NTRK3: variants seen among roughly 807,000 people sequenced by gnomAD.
The protein encoded by NTRK3 is neurotrophic receptor tyrosine kinase 3.
NTRK3 carries 24 observed loss-of-function variants against 91.7 expected under a neutral mutation model. The ratio of observed to expected loss-of-function variants is 0.26; its 90% CI spans 0.19 to 0.37. The LOEUF is 0.37. Ranked by LOEUF, NTRK3 falls within the 10% of genes least tolerant of loss-of-function variation. The probability of loss-of-function intolerance (pLI) is 1.00; values close to 1 mark genes in which losing one functional copy is unlikely to be tolerated. For missense variants in NTRK3, 880 were observed against 1,068.9 expected (o/e 0.82, Z 2.46); for synonymous variants, 483 against 404.0 (o/e 1.20, Z -2.34).
At chr15:87,914,728 G>C (rs2067323337) in intron 17 of NTRK3, among the ~76,000 whole-genome samples, 1 of 152,126 alleles carries the variant, frequency 6.6e-6, no homozygotes, top group Non-Finnish European at 1.5e-5. Context: ...GACCCACTGG[G>C]TAAGGAAATG....
intron 14 of NTRK3, among the ~76,000 whole-genome samples, chr15:88,021,096 C>G (rs1429564626): frequency 6.6e-6 from 1 of 152,186 alleles, no homozygotes; most frequent in Non-Finnish European, 1.5e-5. Context: ...GTGTTAGAAG[C>G]ACCTGCAACA....
chr15:88,189,723 C>A (rs562093004), intron 3 of NTRK3, among the ~76,000 whole-genome samples: 1 of 152,132 alleles, frequency 6.6e-6, no homozygotes, highest in Non-Finnish European at 1.5e-5. Flanking sequence ...GGATTACAGG[C>A]GTGAGCCACC....
intron 3 of NTRK3, chr15:88,253,576 G>A (rs1461910391): frequency 6.6e-6 from 1 of 152,292 alleles, no homozygotes; most frequent in Non-Finnish European, 1.5e-5. Context: ...AGATATAACA[G>A]GGCACTGGGG....
In NTRK3 at chr15:88,026,363, C is replaced by T. The variant is rs954984026; in HGVS notation, c.1585+6494G>A. ...CATGGAGGACCTTAAACATATATTG[C>T]TAAGTGAAAGAAGCCAATCTGAAAA... On this transcript the variant is annotated intron_variant, in intron 14 of 18. Transcript: ENST00000394480. Among the ~76,000 whole-genome samples, 9 of 152,070 alleles carry T rather than the reference C, an allele frequency of 5.9e-5. No homozygotes were observed. In the East Asian group the frequency reaches 1.5e-3, roughly 26 times the overall value.
chr15:88,057,289 G>C (rs2045799810), intron 13 of NTRK3, among the ~76,000 whole-genome samples: 1 of 151,680 alleles, frequency 6.6e-6, no homozygotes, highest in Non-Finnish European at 1.5e-5. Context: ...TTGAGGTCAG[G>C]AGTTTGAGAC....
chr15:87,922,767 T>G (rs958899562), intron 17 of NTRK3, among the ~76,000 whole-genome samples: 3 of 152,226 alleles, frequency 2.0e-5, no homozygotes, highest in Non-Finnish European at 4.4e-5. Flanking sequence ...ACCATGGATT[T>G]GGAATAGAAG....
intron 14 of NTRK3, among the ~76,000 whole-genome samples, chr15:88,001,647 G>C (rs770601789): frequency 7.9e-5 from 12 of 152,062 alleles, no homozygotes; most frequent in African/African-American, 2.7e-4. Flanking sequence ...TCAGTTGACC[G>C]CAAAAGTACA....
chr15:88,076,743 G>A (rs1429359206), intron 13 of NTRK3, among the ~76,000 whole-genome samples: 3 of 150,320 alleles, frequency 2.0e-5, no homozygotes, highest in South Asian at 2.1e-4. Context: ...TGTACTATGA[G>A]AGAAAGCACA....
At chr15:88,201,624 C>T (rs1260268200) in intron 3 of NTRK3, among the ~76,000 whole-genome samples, 3 of 152,184 alleles carry the variant, frequency 2.0e-5, no homozygotes, top group South Asian at 2.1e-4. Context: ...TCCCAATTCA[C>T]GCCATCTGGA....
At chr15:87,962,542 T>C (rs1398209549) in intron 14 of NTRK3, among the ~76,000 whole-genome samples, 2 of 152,196 alleles carry the variant, frequency 1.3e-5, no homozygotes, top group Non-Finnish European at 2.9e-5. Context: ...TCACTAGCAA[T>C]CTCTCCACCC....
In NTRK3 at chr15:88,255,714, G is replaced by T. The variant is rs1467224010; in HGVS notation, c.248+192C>A. On this transcript the variant is annotated intron_variant, in intron 3 of 18. Coordinates refer to ENST00000394480, the Ensembl canonical transcript of NTRK3. The surrounding 1 kb of genome is among the most constrained non-coding windows in gnomAD (Gnocchi z 4.3). ...CACACGCATAGCCGGATCGCGCCTC[G>T]CCAGGGCCGGAGTCACCTGGAATGC... Among the ~76,000 whole-genome samples, 2 of 152,132 alleles carry T rather than the reference G, an allele frequency of 1.3e-5. No individual in the cohort carries two copies. The highest frequency in any genetic ancestry group is 2.9e-5 in the Non-Finnish European group (2 of 68,020).
At chr15:88,025,922 G>A (rs1000202227) in intron 14 of NTRK3, among the ~76,000 whole-genome samples, 17 of 152,152 alleles carry the variant, frequency 1.1e-4, no homozygotes, top group African/African-American at 2.9e-4. Context: ...TTGAGCCATC[G>A]CACTCCAGCA....
At position 88,215,924 on chromosome 15, in the gene NTRK3, C is replaced by A. The variant is rs151185990; in HGVS notation, c.249-31625G>T. Among the ~76,000 whole-genome samples, 84 of 152,306 alleles carry A rather than the reference C, an allele frequency of 5.5e-4. 1 individual carries two copies. In the East Asian group the frequency reaches 0.015, roughly 28 times the overall value. On this transcript the variant is annotated intron_variant, in intron 3 of 18. Transcript: ENST00000394480. ...TCCCCAGGTTCTCCCTGGAAAAAAA[C>A]AATTCTGAAATTTGAACCCAGGCAG...
chr15:88,071,327 C>T (rs1006202905), intron 13 of NTRK3, among the ~76,000 whole-genome samples: 13 of 152,256 alleles, frequency 8.5e-5, no homozygotes, highest in African/African-American at 3.1e-4. Flanking sequence ...CCTTCCTGAG[C>T]ACAAGCTGCA....
At position 88,025,061 on chromosome 15, in the gene NTRK3, ACAC is replaced by A. The variant is rs544909745; in HGVS notation, c.1585+7793_1585+7795del. 2.8e-4 allele frequency among the ~76,000 whole-genome samples: 43 copies of A among 152,376 alleles called. No individual in the cohort carries two copies. In the East Asian group the frequency reaches 3.3e-3, roughly 12 times the overall value. On this transcript the variant is annotated intron_variant, in intron 14 of 18. Transcript: ENST00000394480. ...CACGTGTGTGGCCACACACACACAC[ACAC>A]AACACATACACTTCACCAGGCACAC...
rs1235289875 is a variant in NTRK3, at chr15:88,240,956, G to C, written c.248+14950C>G. ...AGGCATGTGTGCCCTCAGCAAGCTG[G>C]GAGGGTTGCTGTGGGCCTGGGGGAC... On this transcript the variant is annotated intron_variant, in intron 3 of 18. Coordinates refer to ENST00000394480, the Ensembl canonical transcript of NTRK3. The surrounding 1 kb of genome is among the most constrained non-coding windows in gnomAD (Gnocchi z 4.9). Among the ~76,000 whole-genome samples, 3 of 152,208 alleles carry C rather than the reference G, an allele frequency of 2.0e-5. No homozygotes were observed. Among genetic ancestry groups the C allele is most frequent in the East Asian group, 3.9e-4 (2 of 5,170 alleles).
intron 14 of NTRK3, among the ~76,000 whole-genome samples, chr15:88,030,857 C>T (rs541321510): frequency 1.6e-4 from 24 of 151,974 alleles, no homozygotes; most frequent in African/African-American, 5.3e-4. Context: ...CTTGTTTCAA[C>T]TCTCATACTA....
chr15:88,126,267 T>C lies in NTRK3; in HGVS notation c.1396+4A>G, dbSNP rs1276610622. 2 of 1,604,820 alleles carry C rather than the reference T, an allele frequency of 1.2e-6. No homozygotes were observed. Among genetic ancestry groups the C allele is most frequent in the Non-Finnish European group, 1.7e-6 (2 of 1,171,728 alleles). ...CGCCCTTGAAAATGAAACTCCCACC[T>C]TACCCTTCATTCCAAATTTGGACCG... On this transcript the variant is annotated splice_donor_region_variant and intron_variant, in intron 13 of 18. Transcript: ENST00000394480.
intron 13 of NTRK3, among the ~76,000 whole-genome samples, chr15:88,099,436 A>T (rs2049955776): frequency 6.6e-6 from 1 of 151,928 alleles, no homozygotes; most frequent in South Asian, 2.1e-4. Flanking sequence ...GACTGCAAAG[A>T]CGTGTATTAT....
Sources: allele counts gnomAD v4.1 joint callset (sites outside exome capture counted in the v4.1 genomes callset), GRCh38; gene constraint gnomAD v4.1.1; non-coding constraint Gnocchi (gnomAD v3.1); transcripts MANE v1.5; gene names NCBI Gene and HGNC (gene_info 2026-07-23, HGNC 2026-07-21).